The following FBXL20 variants were observed in gnomAD, a reference collection of about 807,000 sequenced individuals.
The protein encoded by FBXL20 is F-box and leucine rich repeat protein 20, also known as F-box/LRR-repeat protein 20.
A neutral mutation model predicts 64.0 loss-of-function variants in FBXL20; 11 were observed. The observed-to-expected ratio is 0.17, with a 90% CI of 0.11 to 0.28. FBXL20 has a LOEUF of 0.28. Among genes scored for constraint, FBXL20 ranks in the 10% least tolerant of loss-of-function variants. FBXL20 has a pLI of 1.00. For missense variants in FBXL20, 303 were observed against 526.2 expected (o/e 0.58, Z 4.15); for synonymous variants, 184 against 189.0 (o/e 0.97, Z 0.22).
At chr17:39,402,130 C>T, upstream of FBXL20, 1 of 1,231,844 alleles carries the variant, frequency 8.1e-7, no homozygotes, top group African/African-American at 1.5e-5. Context: ...GTAAGGCACC[C>T]GCATCCTTCC....
intron 3 of FBXL20, among the ~76,000 whole-genome samples, chr17:39,302,259 G>A (rs597069): frequency 5.3e-5 from 8 of 151,814 alleles, no homozygotes; most frequent in Non-Finnish European, 1.5e-5. Flanking sequence ...ACCTGGGATG[G>A]AGTGCAGTGG....
At chr17:39,379,148 C>T (rs1173145064) in intron 1 of FBXL20, among the ~76,000 whole-genome samples, 1 of 149,810 alleles carries the variant, frequency 6.7e-6, no homozygotes, top group Non-Finnish European at 1.5e-5. Context: ...ATCGCTTGAA[C>T]CCAGGAGGCG....
intron 14 of FBXL20, among the ~76,000 whole-genome samples, chr17:39,263,237 G>A (rs765718671): frequency 3.3e-5 from 5 of 152,028 alleles, no homozygotes; most frequent in African/African-American, 1.2e-4. Flanking sequence ...TTTTAAGGCC[G>A]GGCATGGTGG....
At chr17:39,329,298 T>C (rs1477605569) in intron 2 of FBXL20, among the ~76,000 whole-genome samples, 1 of 152,128 alleles carries the variant, frequency 6.6e-6, no homozygotes, top group Non-Finnish European at 1.5e-5. Flanking sequence ...ATGAAGGACA[T>C]TCTACAAAGT....
chr17:39,396,681 C>A (rs2048187147), intron 1 of FBXL20, among the ~76,000 whole-genome samples: 2 of 148,738 alleles, frequency 1.3e-5, no homozygotes, highest in African/African-American at 2.5e-5. Context: ...TCTTGCCGGG[C>A]GTGGTGGCTC....
intron 1 of FBXL20, among the ~76,000 whole-genome samples, chr17:39,363,998 T>G (rs949111527): frequency 1.3e-5 from 2 of 150,754 alleles, no homozygotes; most frequent in Admixed American, 6.6e-5. Context: ...CAAGCAATTT[T>G]CGTGCCTCAG....
chr17:39,345,505 T>A (rs183954760), intron 1 of FBXL20, among the ~76,000 whole-genome samples: 1 of 152,146 alleles, frequency 6.6e-6, no homozygotes, highest in Non-Finnish European at 1.5e-5. Flanking sequence ...AAGTCACAGA[T>A]AAAATGCACT....
rs537087998 is a variant in FBXL20, at chr17:39,264,446, G to C, written c.991-59C>G. ...ATATCTTCTGGCATTCCTCTAGCCA[G>C]AGGCTTGTGTGAATTGGAAAGGAGA... On this transcript the variant is annotated intron_variant, in intron 13 of 14. Transcript: ENST00000264658. The C allele has an allele frequency of 2.5e-6, 4 of 1,572,292 alleles. No homozygotes were observed. In the South Asian group the frequency reaches 3.4e-5, roughly 13 times the overall value.
intron 2 of FBXL20, among the ~76,000 whole-genome samples, chr17:39,328,248 C>CAAAAA (rs141259755): frequency 1.8e-5 from 1 of 55,098 alleles, no homozygotes; most frequent in African/African-American, 1.0e-4. Context: ...AACTCTGCCT[C>CAAAAA]AAAAAAAAAA....
chr17:39,388,106 G>C (rs2048099801), intron 1 of FBXL20, among the ~76,000 whole-genome samples: 1 of 151,878 alleles, frequency 6.6e-6, no homozygotes, highest in Non-Finnish European at 1.5e-5. Context: ...GAAATAATAA[G>C]TAATATAAAT....
intron 6 of FBXL20, among the ~76,000 whole-genome samples, chr17:39,292,042 G>A (rs2047044290): frequency 6.7e-6 from 1 of 150,368 alleles, no homozygotes; most frequent in Non-Finnish European, 1.5e-5. Context: ...TATTTGGTTT[G>A]TCCTATTGAA....
At chr17:39,309,097 G>A (rs980336432) in intron 2 of FBXL20, among the ~76,000 whole-genome samples, 11 of 152,078 alleles carry the variant, frequency 7.2e-5, no homozygotes, top group Admixed American at 1.3e-4. Flanking sequence ...GGTCTATATG[G>A]CCAATCACTA....
At chr17:39,395,575 C>T (rs1278823701) in intron 1 of FBXL20, among the ~76,000 whole-genome samples, 1 of 152,166 alleles carries the variant, frequency 6.6e-6, no homozygotes, top group Non-Finnish European at 1.5e-5. Context: ...TGTTTTCAAA[C>T]CAGTTGCTAG....
At chr17:39,280,587 T>C (rs1246122047) in intron 9 of FBXL20, among the ~76,000 whole-genome samples, 2 of 151,558 alleles carry the variant, frequency 1.3e-5, no homozygotes, top group Non-Finnish European at 1.5e-5. Context: ...AATAAATAAA[T>C]AAATAACAAA....
chr17:39,395,978 CCACAGTCATTCAA>C lies in FBXL20; in HGVS notation c.42+5370_42+5382del, dbSNP rs2048178695. 4.7e-5 allele frequency among the ~76,000 whole-genome samples: 7 copies of C among 147,600 alleles called. No homozygotes were observed. The South Asian group carries it at 1.3e-3, about 27-fold the overall frequency. On this transcript the variant is annotated intron_variant, in intron 1 of 14. Transcript: ENST00000264658. ...TGAGGAGAACCAGGAAAGGGCAGAA[CCACAGTCATTCAA>C]AGCCAAGAGTTTTGTGGGGTTTTTT...
chr17:39,400,418 T>A (rs1473849507), intron 1 of FBXL20, among the ~76,000 whole-genome samples: 1 of 152,020 alleles, frequency 6.6e-6, no homozygotes, highest in Non-Finnish European at 1.5e-5. Flanking sequence ...AAACACCGAG[T>A]GAGATTGTCC....
At chr17:39,290,967 T>TCC (rs1567865975) in intron 6 of FBXL20, among the ~76,000 whole-genome samples, 2 of 151,206 alleles carry the variant, frequency 1.3e-5, no homozygotes, top group East Asian at 1.9e-4. Context: ...ATTCTGTATT[T>TCC]TTTTTTTTTT....
intron 10 of FBXL20, among the ~76,000 whole-genome samples, chr17:39,271,631 G>A (rs1254948092): frequency 6.6e-6 from 1 of 151,526 alleles, no homozygotes; most frequent in African/African-American, 2.4e-5. Context: ...AAAAGGTGGG[G>A]GGGATTGCTT....
chr17:39,341,066 C>A (rs1005921379), intron 2 of FBXL20, among the ~76,000 whole-genome samples: 4 of 150,666 alleles, frequency 2.7e-5, no homozygotes, highest in African/African-American at 4.9e-5. Flanking sequence ...AAATTTCAAG[C>A]AACTACTTTA....
Sources: allele counts gnomAD v4.1 joint callset (sites outside exome capture counted in the v4.1 genomes callset), GRCh38; gene constraint gnomAD v4.1.1; transcripts MANE v1.5; gene names NCBI Gene and HGNC (gene_info 2026-07-23, HGNC 2026-07-21).